SAMD12: variants seen among roughly 807,000 people sequenced by gnomAD.
SAMD12 encodes sterile alpha motif domain containing 12, also known as sterile alpha motif domain-containing protein 12.
Under a neutral mutation model 15.0 loss-of-function variants are expected in SAMD12, and 9 were observed. The ratio of observed to expected loss-of-function variants is 0.60; its 90% CI spans 0.36 to 1.05. SAMD12 has a LOEUF of 1.05. SAMD12 is among the 50% of genes least tolerant of loss of function. The pLI is 0.01. For synonymous variants in SAMD12, 86 were observed against 90.1 expected (o/e 0.96, Z 0.25); for missense variants, 230 against 234.2 (o/e 0.98, Z 0.12).
At chr8:118,575,672 T>C (rs1055797761) in intron 2 of SAMD12, among the ~76,000 whole-genome samples, 2 of 152,112 alleles carry the variant, frequency 1.3e-5, no homozygotes, top group African/African-American at 2.4e-5. Context: ...CGCTCAAAGC[T>C]CTGACTCCAG....
chr8:118,132,306 T>G, the SAMD12 span, among the ~76,000 whole-genome samples: 1 of 152,182 alleles, frequency 6.6e-6, no homozygotes, highest in South Asian at 2.1e-4. Context: ...CTTTGCAACA[T>G]TCAAAGTTTT....
At chr8:118,249,844 C>T (rs1812779586) in intron 4 of SAMD12, among the ~76,000 whole-genome samples, 1 of 152,118 alleles carries the variant, frequency 6.6e-6, no homozygotes, top group Non-Finnish European at 1.5e-5. Context: ...ACATCATGAA[C>T]TTCTGATGGA....
intron 4 of SAMD12, among the ~76,000 whole-genome samples, chr8:118,278,404 C>G (rs758111738): frequency 2.0e-5 from 3 of 152,150 alleles, no homozygotes; most frequent in Non-Finnish European, 4.4e-5. Context: ...GAAAAAGACT[C>G]TCTTTTCTTC....
chr8:118,317,513 G>A (rs1586509780), intron 4 of SAMD12, among the ~76,000 whole-genome samples: 1 of 152,134 alleles, frequency 6.6e-6, no homozygotes, highest in Middle Eastern at 3.2e-3. Context: ...GTTGAAGAAG[G>A]TAGATACAAA....
At chr8:118,353,037 T>G (rs1224028613) in intron 4 of SAMD12, among the ~76,000 whole-genome samples, 1 of 152,136 alleles carries the variant, frequency 6.6e-6, no homozygotes, top group East Asian at 1.9e-4. Context: ...ACCATCCAGA[T>G]AGACCACTGT....
chr8:118,510,403 A>G (rs1419047114), intron 2 of SAMD12, among the ~76,000 whole-genome samples: 1 of 152,166 alleles, frequency 6.6e-6, no homozygotes, highest in East Asian at 1.9e-4. Context: ...GTTCGGGACC[A>G]CAATAATTTT....
chr8:118,496,576 T>C (rs144092539), intron 2 of SAMD12, among the ~76,000 whole-genome samples: 1 of 152,256 alleles, frequency 6.6e-6, no homozygotes, highest in East Asian at 1.9e-4. Flanking sequence ...CAACTCAAGA[T>C]AGAGTAAAAG....
chr8:118,332,495 G>A lies in SAMD12; in HGVS notation c.433+47065C>T, dbSNP rs144640035. Among the ~76,000 whole-genome samples, 19 of 152,284 alleles carry A rather than the reference G, an allele frequency of 1.2e-4. No individual in the cohort carries two copies. In the East Asian group the frequency reaches 3.3e-3, roughly 26 times the overall value. On this transcript the variant is annotated intron_variant, in intron 4 of 4. Transcript: ENST00000409003. Reference sequence around the variant, plus strand: ...AAAACAGGATGTGCAGGTGTCGTTCGTTTATTTAGTCACAACACTGATTAC... The same window carrying A: ...AAAACAGGATGTGCAGGTGTCGTTCATTTATTTAGTCACAACACTGATTAC...
chr8:118,150,380 GT>G, the SAMD12 span, among the ~76,000 whole-genome samples: 3 of 151,870 alleles, frequency 2.0e-5, no homozygotes, highest in Non-Finnish European at 4.4e-5. Flanking sequence ...CGTTATTATT[GT>G]TTTTTCTCTT....
At chr8:118,405,813 C>T (rs779564347) in intron 3 of SAMD12, among the ~76,000 whole-genome samples, 3 of 152,152 alleles carry the variant, frequency 2.0e-5, no homozygotes, top group Non-Finnish European at 4.4e-5. Flanking sequence ...GTGTCACAGA[C>T]TTTATGATGT....
chr8:118,321,296 TTTTTTTTTTTTTTG>T (rs1816266159), intron 4 of SAMD12, among the ~76,000 whole-genome samples: 1 of 66,274 alleles, frequency 1.5e-5, no homozygotes, highest in African/African-American at 1.1e-4. Context: ...TTTTTTTTTG[TTTTTTTTTTTTTTG>T]GTTTTTTTTT....
At chr8:118,563,510 A>G (rs558779943) in intron 2 of SAMD12, among the ~76,000 whole-genome samples, 3 of 152,340 alleles carry the variant, frequency 2.0e-5, no homozygotes, top group East Asian at 1.9e-4. Flanking sequence ...ATAACTAACC[A>G]GACACAACTT....
At chr8:118,192,898 C>G (rs754711033) in exon 5 of SAMD12, 1 of 152,134 alleles carries the variant, frequency 6.6e-6, no homozygotes, top group Non-Finnish European at 1.5e-5. Flanking sequence ...AGGAAGAATG[C>G]TTGGAGTGCA....
At chr8:118,420,603 G>A (rs1046825922) in intron 3 of SAMD12, among the ~76,000 whole-genome samples, 12 of 152,078 alleles carry the variant, frequency 7.9e-5, no homozygotes, top group Non-Finnish European at 1.0e-4. Context: ...ATAAATATTC[G>A]TATAGAGAAA....
At chr8:118,337,200 A>C (rs752017596) in intron 4 of SAMD12, among the ~76,000 whole-genome samples, 8 of 152,154 alleles carry the variant, frequency 5.3e-5, no homozygotes, top group Non-Finnish European at 1.2e-4. Context: ...ATAAAAAAAA[A>C]AGAGAAATTT....
At chr8:118,257,124 T>C (rs576629466) in intron 4 of SAMD12, among the ~76,000 whole-genome samples, 10 of 152,074 alleles carry the variant, frequency 6.6e-5, no homozygotes, top group Non-Finnish European at 1.5e-4. Context: ...TGATGGCTGC[T>C]CTCTGTTATG....
At chr8:118,200,206 C>A (rs970081159) in intron 4 of SAMD12, among the ~76,000 whole-genome samples, 1 of 151,956 alleles carries the variant, frequency 6.6e-6, no homozygotes, top group Non-Finnish European at 1.5e-5. Flanking sequence ...TATAATTTAC[C>A]CAGTCTGGTA....
intron 2 of SAMD12, among the ~76,000 whole-genome samples, chr8:118,442,486 C>T (rs1822792831): frequency 6.6e-6 from 1 of 152,144 alleles, no homozygotes; most frequent in South Asian, 2.1e-4. Context: ...TTGACTTTGC[C>T]TAATTTTGAT....
At chr8:118,478,740 T>A (rs1404377926) in intron 2 of SAMD12, among the ~76,000 whole-genome samples, 5 of 152,236 alleles carry the variant, frequency 3.3e-5, no homozygotes, top group Admixed American at 3.3e-4. Context: ...AATGACTAGC[T>A]GCTTGGGGCA....
Sources: allele counts gnomAD v4.1 joint callset (sites outside exome capture counted in the v4.1 genomes callset), GRCh38; gene constraint gnomAD v4.1.1; transcripts MANE v1.5; gene names NCBI Gene and HGNC (gene_info 2026-07-23, HGNC 2026-07-21).